The following SRBD1 variants were observed in gnomAD, a reference collection of about 807,000 sequenced individuals.
SRBD1 encodes S1 RNA binding domain 1, also known as S1 RNA-binding domain-containing protein 1.
A neutral mutation model predicts 115.3 loss-of-function variants in SRBD1; 88 were observed. That is an observed-to-expected ratio of 0.76 (90% CI 0.64 to 0.91). SRBD1 has a LOEUF of 0.91. SRBD1 is among the 40% of genes least tolerant of loss of function. The pLI is 0.00. For synonymous variants in SRBD1, 509 were observed against 407.7 expected, an observed-to-expected ratio of 1.25 and a Z score of -2.99; for missense variants, 1,385 against 1,177.4, an observed-to-expected ratio of 1.18 and a Z score of -2.58.
intron 19 of SRBD1, among the ~76,000 whole-genome samples, chr2:45,404,645 C>G (rs1188865006): frequency 6.6e-6 from 1 of 152,270 alleles, no homozygotes; most frequent in East Asian, 1.9e-4. Flanking sequence ...TCATCTTTCT[C>G]TTGGATTACA....
At chr2:45,393,527 C>G (rs555960974) in intron 19 of SRBD1, among the ~76,000 whole-genome samples, 1 of 152,210 alleles carries the variant, frequency 6.6e-6, no homozygotes, top group South Asian at 2.1e-4. Context: ...ACTACAGGCA[C>G]CCGCCACCAC....
chr2:45,579,657 T>C (rs770922823), intron 7 of SRBD1, among the ~76,000 whole-genome samples: 1 of 151,660 alleles, frequency 6.6e-6, no homozygotes, highest in African/African-American at 2.4e-5. Context: ...AACAATACAA[T>C]AGAAAAACGG....
intron 14 of SRBD1, among the ~76,000 whole-genome samples, chr2:45,533,905 G>A (rs1004135462): frequency 6.6e-6 from 1 of 151,948 alleles, no homozygotes; most frequent in Non-Finnish European, 1.5e-5. Context: ...TATTGGATCT[G>A]GCAACAAAAG....
intron 15 of SRBD1, among the ~76,000 whole-genome samples, chr2:45,481,155 G>A (rs1011330480): frequency 6.6e-6 from 1 of 152,106 alleles, no homozygotes. Context: ...GAGATATAAT[G>A]CCATTAGATT....
At chr2:45,465,068 G>A (rs1049051339) in intron 16 of SRBD1, among the ~76,000 whole-genome samples, 2 of 149,802 alleles carry the variant, frequency 1.3e-5, no homozygotes, top group South Asian at 4.2e-4. Context: ...CCCTGGTATG[G>A]GGGATTTTTT....
At chr2:45,528,458 G>A (rs976058025) in intron 14 of SRBD1, among the ~76,000 whole-genome samples, 1 of 151,756 alleles carries the variant, frequency 6.6e-6, no homozygotes, top group African/African-American at 2.4e-5. Context: ...GTGCCCAAGA[G>A]AATTAACATC....
intron 7 of SRBD1, among the ~76,000 whole-genome samples, chr2:45,578,778 C>A (rs1673255287): frequency 6.6e-6 from 1 of 152,112 alleles, no homozygotes; most frequent in Admixed American, 6.5e-5. Flanking sequence ...TTCTAACATA[C>A]AACACGGGGG....
chr2:45,391,160 C>CA (rs1473345103), intron 20 of SRBD1, among the ~76,000 whole-genome samples: 11 of 152,140 alleles, frequency 7.2e-5, no homozygotes, highest in African/African-American at 2.7e-4. Flanking sequence ...CAAGGAAAAT[C>CA]AGAGTCAGGA....
At chr2:45,554,740 A>T (rs146795938) in intron 10 of SRBD1, among the ~76,000 whole-genome samples, 30 of 152,358 alleles carry the variant, frequency 2.0e-4, no homozygotes, top group Admixed American at 8.5e-4. Flanking sequence ...CCAAGCTGGC[A>T]GCACATTCAG....
At chr2:45,531,275 T>C (rs1358268836) in intron 14 of SRBD1, among the ~76,000 whole-genome samples, 1 of 151,906 alleles carries the variant, frequency 6.6e-6, no homozygotes, top group Non-Finnish European at 1.5e-5. Context: ...ACTCACCGTA[T>C]ATAAATAAAA....
chr2:45,524,068 C>T (rs1012254643), intron 14 of SRBD1, among the ~76,000 whole-genome samples: 1 of 151,716 alleles, frequency 6.6e-6, no homozygotes, highest in African/African-American at 2.4e-5. Flanking sequence ...CATATGATCG[C>T]AGAAACAAAA....
chr2:45,511,157 C>G (rs1018344072), intron 14 of SRBD1, among the ~76,000 whole-genome samples: 5 of 152,232 alleles, frequency 3.3e-5, no homozygotes. Flanking sequence ...AAAATAAAAT[C>G]TACCACCAAT....
At chr2:45,520,678 G>T (rs1396797906) in intron 14 of SRBD1, among the ~76,000 whole-genome samples, 1 of 111,398 alleles carries the variant, frequency 9.0e-6, no homozygotes, top group African/African-American at 5.1e-5. Context: ...GCGCAGCAGA[G>T]AAAGAGGAGA....
intron 9 of SRBD1, among the ~76,000 whole-genome samples, chr2:45,566,421 G>A (rs989720032): frequency 1.3e-5 from 2 of 152,178 alleles, no homozygotes; most frequent in African/African-American, 4.8e-5. Flanking sequence ...GACAAACTCT[G>A]AAACCATTAT....
intron 18 of SRBD1, among the ~76,000 whole-genome samples, chr2:45,415,706 G>C (rs1667806519): frequency 2.5e-4 from 2 of 8,138 alleles, no homozygotes; most frequent in African/African-American, 1.3e-3. Flanking sequence ...GAGGAGAGGA[G>C]AGGAGAGGAG....
intron 16 of SRBD1, among the ~76,000 whole-genome samples, chr2:45,463,792 A>G (rs1377411098): frequency 6.6e-6 from 1 of 152,172 alleles, no homozygotes; most frequent in East Asian, 1.9e-4. Context: ...TTTAGTCTAC[A>G]AACTATGCAT....
At chr2:45,607,140 G>T (rs1339774793) in intron 1 of SRBD1, among the ~76,000 whole-genome samples, 28 of 152,194 alleles carry the variant, frequency 1.8e-4, no homozygotes, top group Admixed American at 1.8e-3. Context: ...AGGTTATAAA[G>T]ATCATCCTTT....
chr2:45,585,581 A>AG (rs771328269), intron 5 of SRBD1, 27 bp downstream of exon 5: 2 of 1,596,162 alleles, frequency 1.3e-6, no homozygotes, highest in South Asian at 2.3e-5. Flanking sequence ...CCCTTACACT[A>AG]GGCTTATTCT....
chr2:45,533,907 C>A (rs1671686907), intron 14 of SRBD1, among the ~76,000 whole-genome samples: 1 of 151,798 alleles, frequency 6.6e-6, no homozygotes, highest in South Asian at 2.1e-4. Context: ...TTGGATCTGG[C>A]AACAAAAGCA....
Sources: allele counts gnomAD v4.1 joint callset (sites outside exome capture counted in the v4.1 genomes callset), GRCh38; gene constraint gnomAD v4.1.1; transcripts MANE v1.5; gene names NCBI Gene and HGNC (gene_info 2026-07-23, HGNC 2026-07-21).